The following COL5A2 variants were observed in gnomAD, a reference collection of about 807,000 sequenced individuals.
The protein encoded by COL5A2 is collagen alpha-2(V) chain.
COL5A2 carries 23 observed loss-of-function variants against 208.2 expected under a neutral mutation model. The observed-to-expected ratio is 0.11, with a 90% CI of 0.08 to 0.16. The LOEUF (loss-of-function observed/expected upper bound fraction) is 0.16, where lower values mean the gene tolerates loss of function less well. Among genes scored for constraint, COL5A2 ranks in the 10% least tolerant of loss-of-function variants. The pLI, the probability that COL5A2 is intolerant of heterozygous loss-of-function variation, is 1.00. For synonymous variants in COL5A2, 625 were observed against 628.5 expected (o/e 0.99, Z 0.08); for missense variants, 1,590 against 1,956.4 (o/e 0.81, Z 3.53).
the COL5A2 span, among the ~76,000 whole-genome samples, chr2:189,331,819 G>A: frequency 1.2e-4 from 19 of 152,044 alleles, no homozygotes; most frequent in African/African-American, 3.1e-4. Context: ...GCGTGGTGAC[G>A]GGCACCTGTA....
At chr2:189,041,975 T>A (rs1341036244) in intron 49 of COL5A2, among the ~76,000 whole-genome samples, 1 of 152,178 alleles carries the variant, frequency 6.6e-6, no homozygotes, top group Non-Finnish European at 1.5e-5. Context: ...AAACCTCACA[T>A]ATTGTAAACT....
chr2:189,071,984 T>G, intron 18 of COL5A2, 56 bp downstream of exon 18: 3 of 1,147,996 alleles, frequency 2.6e-6, no homozygotes, highest in Non-Finnish European at 3.9e-6. Context: ...TTCTTCACTT[T>G]GGGACTCATG....
At chr2:189,370,618 A>G in the COL5A2 span, among the ~76,000 whole-genome samples, 2 of 152,190 alleles carry the variant, frequency 1.3e-5, no homozygotes, top group Non-Finnish European at 2.9e-5. Context: ...ACATACAATC[A>G]TACTCAACAC....
intron 1 of COL5A2, among the ~76,000 whole-genome samples, chr2:189,139,901 C>A (rs1356437527): frequency 6.6e-6 from 1 of 151,844 alleles, no homozygotes; most frequent in East Asian, 1.9e-4. Context: ...GGTGGCACCC[C>A]GTCTCTACTA....
intron 1 of COL5A2, among the ~76,000 whole-genome samples, chr2:189,187,661 T>C (rs1326924637): frequency 6.6e-6 from 1 of 152,136 alleles, no homozygotes; most frequent in Non-Finnish European, 1.5e-5. Context: ...AAACATATAA[T>C]GTGTCATTAG....
At chr2:189,231,905 T>G in the COL5A2 span, among the ~76,000 whole-genome samples, 1 of 151,258 alleles carries the variant, frequency 6.6e-6, no homozygotes, top group Non-Finnish European at 1.5e-5. Context: ...AAAGCTGAGG[T>G]GGAGAGGAGT....
intron 1 of COL5A2, among the ~76,000 whole-genome samples, chr2:189,194,361 C>T (rs2105849319): frequency 6.6e-6 from 1 of 152,292 alleles, no homozygotes; most frequent in South Asian, 2.1e-4. Context: ...GACTAACAAA[C>T]CCACTACCCT....
At chr2:189,141,779 A>G (rs1038082914) in intron 1 of COL5A2, among the ~76,000 whole-genome samples, 1 of 152,162 alleles carries the variant, frequency 6.6e-6, no homozygotes, top group African/African-American at 2.4e-5. Flanking sequence ...TTTTAATAGG[A>G]TCAAGGAGTT....
chr2:189,361,320 T>A, the COL5A2 span, among the ~76,000 whole-genome samples: 2 of 152,208 alleles, frequency 1.3e-5, no homozygotes, highest in Non-Finnish European at 2.9e-5. Flanking sequence ...TTATGATTGT[T>A]ATATCCTCTT....
chr2:189,065,336 C>A (rs1449379617), intron 23 of COL5A2, among the ~76,000 whole-genome samples: 1 of 152,160 alleles, frequency 6.6e-6, no homozygotes, highest in East Asian at 1.9e-4. Context: ...TCAAGACCAG[C>A]CTGGCCAACG....
chr2:189,149,551 T>A (rs1239660723), intron 1 of COL5A2, among the ~76,000 whole-genome samples: 1 of 152,192 alleles, frequency 6.6e-6, no homozygotes, highest in Non-Finnish European at 1.5e-5. Flanking sequence ...ATTTTACATT[T>A]TTAAAAATCG....
Position 189,034,024 on chromosome 2 carries a change from G to T in COL5A2, c.*46C>A, listed in dbSNP as rs112739705. 2.6e-3 allele frequency: 4,176 copies of T among 1,612,902 alleles called. 88 individuals are homozygous for T. In the African/African-American group the frequency reaches 0.043, roughly 17 times the overall value. On this transcript the variant is annotated 3_prime_UTR_variant, in exon 54 of 54. Transcript: ENST00000374866. ...ACAGTCAAAGTTCTTGTGAATGGCGGTGGTCATTGATGGTGGTGCTCATTG... is the reference window on the plus strand; with the variant it reads ...ACAGTCAAAGTTCTTGTGAATGGCGTTGGTCATTGATGGTGGTGCTCATTG...
At chr2:189,167,456 TG>T (rs1688487649) in intron 1 of COL5A2, among the ~76,000 whole-genome samples, 1 of 152,114 alleles carries the variant, frequency 6.6e-6, no homozygotes, top group Non-Finnish European at 1.5e-5. Flanking sequence ...CAAACAAAAA[TG>T]ATTCTAAGTA....
the COL5A2 span, among the ~76,000 whole-genome samples, chr2:189,431,055 G>C: frequency 2.1e-4 from 32 of 152,148 alleles, no homozygotes; most frequent in Non-Finnish European, 4.6e-4. Flanking sequence ...AGGCAAACAG[G>C]GTCTGGAGTG....
chr2:189,429,490 AC>A, the COL5A2 span, among the ~76,000 whole-genome samples: 1 of 152,100 alleles, frequency 6.6e-6, no homozygotes, highest in African/African-American at 2.4e-5. Flanking sequence ...TAAAAGTATA[AC>A]TTCAGTTTCA....
At chr2:189,374,585 T>A in the COL5A2 span, among the ~76,000 whole-genome samples, 3 of 152,296 alleles carry the variant, frequency 2.0e-5, no homozygotes, top group African/African-American at 7.2e-5. Flanking sequence ...CAGTATTATA[T>A]ATGGGGCACA....
the COL5A2 span, among the ~76,000 whole-genome samples, chr2:189,353,475 G>T: frequency 6.6e-6 from 1 of 152,128 alleles, no homozygotes; most frequent in Admixed American, 6.5e-5. Flanking sequence ...TTGAGCAGTG[G>T]TTTGTAGTTC....
chr2:189,233,395 C>A, the COL5A2 span, among the ~76,000 whole-genome samples: 1 of 151,638 alleles, frequency 6.6e-6, no homozygotes, highest in South Asian at 2.1e-4. Flanking sequence ...AACATTTCTA[C>A]TTCCTGTAGC....
chr2:189,240,752 C>A, the COL5A2 span, among the ~76,000 whole-genome samples: 2 of 152,100 alleles, frequency 1.3e-5, no homozygotes, highest in South Asian at 2.1e-4. Context: ...CTTTTCCAAA[C>A]CTTTACATGT....
Sources: gnomAD v4.1 joint callset for allele counts (sites outside exome capture counted in the v4.1 genomes callset) on GRCh38, gnomAD v4.1.1 for gene constraint, MANE v1.5 for transcripts, NCBI Gene and HGNC (gene_info 2026-07-23, HGNC 2026-07-21) for gene names.